Variants in ZBTB44 observed in about 807,000 individuals in gnomAD.
ZBTB44 encodes the protein zinc finger and BTB domain-containing protein 44.
A neutral mutation model predicts 54.0 loss-of-function variants in ZBTB44; 15 were observed. The ratio of observed to expected loss-of-function variants is 0.28; its 90% CI spans 0.19 to 0.43. The LOEUF is 0.43. Among genes scored for constraint, ZBTB44 ranks in the 20% least tolerant of loss-of-function variants. ZBTB44 has a pLI of 1.00. For synonymous variants in ZBTB44, 230 were observed against 250.1 expected (o/e 0.92, Z 0.76); for missense variants, 487 against 707.1 (o/e 0.69, Z 3.53).
intron 1 of ZBTB44, chr11:130,296,780 C>G: frequency 1.3e-6 from 1 of 777,374 alleles, no homozygotes; most frequent in South Asian, 1.3e-5. Flanking sequence ...GTAAGTCAGC[C>G]CAGGAAGCAT....
intron 1 of ZBTB44, among the ~76,000 whole-genome samples, chr11:130,304,261 T>C (rs1344064508): frequency 1.3e-5 from 2 of 152,178 alleles, no homozygotes; most frequent in African/African-American, 2.4e-5. Context: ...TCCGTTACAG[T>C]TGTGAATGTG....
chr11:130,272,388 A>G (rs1036491232), intron 1 of ZBTB44, among the ~76,000 whole-genome samples: 2 of 152,190 alleles, frequency 1.3e-5, no homozygotes, highest in African/African-American at 2.4e-5. Context: ...GAGCATCTTC[A>G]TGTGCTTACT....
At chr11:130,270,024 CAGA>C (rs923796214) in intron 1 of ZBTB44, among the ~76,000 whole-genome samples, 39 of 152,146 alleles carry the variant, frequency 2.6e-4, no homozygotes, top group African/African-American at 8.2e-4. Context: ...TAAAAATTAT[CAGA>C]AGATTTGAGA....
intron 1 of ZBTB44, among the ~76,000 whole-genome samples, chr11:130,273,757 G>A (rs1939849387): frequency 6.6e-6 from 1 of 152,010 alleles, no homozygotes; most frequent in Non-Finnish European, 1.5e-5. Flanking sequence ...CTATAAACAG[G>A]TTGAGTATCC....
chr11:130,277,029 G>A (rs1388453231), intron 1 of ZBTB44, among the ~76,000 whole-genome samples: 4 of 151,890 alleles, frequency 2.6e-5, no homozygotes, highest in Non-Finnish European at 5.9e-5. Context: ...ATTTTTCTTT[G>A]AATGACAATT....
intron 1 of ZBTB44, among the ~76,000 whole-genome samples, chr11:130,290,419 G>T (rs1185227313): frequency 6.6e-6 from 1 of 152,172 alleles, no homozygotes; most frequent in Non-Finnish European, 1.5e-5. Context: ...AACAGCCACA[G>T]AAAACTAATA....
At chr11:130,289,857 C>G (rs1941200682) in intron 1 of ZBTB44, among the ~76,000 whole-genome samples, 1 of 152,158 alleles carries the variant, frequency 6.6e-6, no homozygotes. Context: ...ATTGAATACC[C>G]TCATACACAT....
intron 5 of ZBTB44, chr11:130,236,129 T>G (rs1446304283): frequency 3.1e-6 from 4 of 1,286,320 alleles, no homozygotes; most frequent in African/African-American, 1.5e-5. Flanking sequence ...TTCTCTAAGT[T>G]TCAAGCTTTT....
intron 1 of ZBTB44, among the ~76,000 whole-genome samples, chr11:130,284,862 C>T (rs1285891332): frequency 1.3e-5 from 2 of 151,046 alleles, no homozygotes; most frequent in East Asian, 1.9e-4. Context: ...AGCGAGACTA[C>T]GTCTCCAAAA....
chr11:130,296,184 T>C, intron 1 of ZBTB44: 1 of 1,338,400 alleles, frequency 7.5e-7, no homozygotes, highest in Non-Finnish European at 1.1e-6. Context: ...AGGATTTCTC[T>C]GAAAAAAGGA....
intron 1 of ZBTB44, among the ~76,000 whole-genome samples, chr11:130,282,722 TG>T (rs1940619809): frequency 6.6e-6 from 1 of 152,206 alleles, no homozygotes; most frequent in Non-Finnish European, 1.5e-5. Context: ...TGAGTAAGAG[TG>T]GCTACCACCT....
intron 1 of ZBTB44, among the ~76,000 whole-genome samples, chr11:130,289,411 G>A (rs1941169851): frequency 6.6e-6 from 1 of 151,302 alleles, no homozygotes; most frequent in South Asian, 2.1e-4. Context: ...TGAACTCGGA[G>A]GTGGAGGTTG....
chr11:130,227,986 A>AAT lies in ZBTB44; in HGVS notation c.*3776_*3777dup, dbSNP rs1953749393. The AAT allele has an allele frequency of 6.6e-6, 1 of 152,066 alleles. No homozygotes were observed. The highest frequency in any genetic ancestry group is 1.5e-5 in the Non-Finnish European group (1 of 68,006). 9.4% of individuals were successfully genotyped at this position (152,066 alleles called of 1,614,324 possible). Reference sequence around the variant, plus strand: ...GGTCTGTTCTAAAAGTTCTTTCACAAATATATATATTTAAATATTAAAATA... The same window carrying AAT: ...GGTCTGTTCTAAAAGTTCTTTCACAAATATATATATATTTAAATATTAAAATA... On this transcript the variant is annotated 3_prime_UTR_variant, in exon 8 of 8. Transcript: ENST00000357899.
chr11:130,255,667 G>A (rs1001065523), intron 2 of ZBTB44, among the ~76,000 whole-genome samples: 1 of 151,912 alleles, frequency 6.6e-6, no homozygotes, highest in Non-Finnish European at 1.5e-5. Context: ...GATTAATAAA[G>A]AAGAGAGAGA....
chr11:130,268,913 G>A (rs1279848241), intron 1 of ZBTB44, among the ~76,000 whole-genome samples: 4 of 151,212 alleles, frequency 2.6e-5, no homozygotes, highest in Non-Finnish European at 5.9e-5. Context: ...GAGAAAAAAA[G>A]AAAATGTCAT....
rs544285092 is a variant in ZBTB44 at position 130,234,665 on chromosome 11, T to G, written c.1569-392A>C. Among the ~76,000 whole-genome samples the G allele has an allele frequency of 2.0e-5, 3 of 152,350 alleles. No individual in the cohort carries two copies. The East Asian group carries it at 5.8e-4, about 29-fold the overall frequency. ...TCTTGATTATACATTGAGTAAGAGATATATAAACCTAGCTTTGTATTACTA... is the reference window on the plus strand; with the variant it reads ...TCTTGATTATACATTGAGTAAGAGAGATATAAACCTAGCTTTGTATTACTA... On this transcript the variant is annotated intron_variant, in intron 5 of 7. Coordinates refer to ENST00000357899, the MANE Select transcript of ZBTB44 (RefSeq NM_001301098.2).
intron 1 of ZBTB44, among the ~76,000 whole-genome samples, chr11:130,312,917 T>A (rs1942706062): frequency 6.6e-6 from 1 of 152,226 alleles, no homozygotes; most frequent in Non-Finnish European, 1.5e-5. Flanking sequence ...GTTTGCAGCT[T>A]ACTTTCAAAT....
chr11:130,294,488 C>T (rs1469740542), intron 1 of ZBTB44, among the ~76,000 whole-genome samples: 1 of 138,134 alleles, frequency 7.2e-6, no homozygotes, highest in Non-Finnish European at 1.5e-5. Context: ...TTGTCCATTT[C>T]CCTATAACTA....
chr11:130,310,510 C>A (rs1183645381), intron 1 of ZBTB44: 1 of 151,666 alleles, frequency 6.6e-6, no homozygotes, highest in East Asian at 1.9e-4. Context: ...GAATCCACTT[C>A]TCTGCTAACT....
Sources: gnomAD v4.1 joint callset for allele counts (sites outside exome capture counted in the v4.1 genomes callset) on GRCh38, gnomAD v4.1.1 for gene constraint, MANE v1.5 for transcripts, NCBI Gene and HGNC (gene_info 2026-07-23, HGNC 2026-07-21) for gene names.